The following TBC1D1 variants were observed in gnomAD, a reference collection of about 807,000 sequenced individuals.
TBC1D1 encodes TBC1 (tre-2/USP6, BUB2, cdc16) domain family, member 1.
Under a neutral mutation model 125.6 loss-of-function variants are expected in TBC1D1, and 89 were observed. The ratio of observed to expected loss-of-function variants is 0.71; its 90% CI spans 0.60 to 0.85. The LOEUF is 0.85. Among genes scored for constraint, TBC1D1 ranks in the 40% least tolerant of loss-of-function variants. TBC1D1 has a pLI of 0.00. For missense variants in TBC1D1, 1,377 were observed against 1,469.2 expected, an observed-to-expected ratio of 0.94 and a Z score of 1.03; for synonymous variants, 565 against 564.1, an observed-to-expected ratio of 1.00 and a Z score of -0.02.
chr4:38,000,206 T>A (rs1738733616), intron 2 of TBC1D1, among the ~76,000 whole-genome samples: 1 of 152,206 alleles, frequency 6.6e-6, no homozygotes, highest in Non-Finnish European at 1.5e-5. Context: ...AAGACATGAC[T>A]CGTGGTGGTG....
rs115415205 is a variant in TBC1D1 at position 38,017,559 on chromosome 4, A to G, written c.883-795A>G. 6.7e-3 allele frequency among the ~76,000 whole-genome samples: 1,028 copies of G among 152,312 alleles called. 15 individuals carry two copies. Among genetic ancestry groups the G allele is most frequent in the African/African-American group, 0.023 (973 of 41,562 alleles). On this transcript the variant is annotated intron_variant, in intron 3 of 19. Coordinates refer to ENST00000261439, the MANE Select transcript of TBC1D1 (RefSeq NM_015173.4). The stretch of plus-strand genomic sequence containing the variant: ...TATAATTCCCCTTGACTTACACCCC[A>G]GTTTCCAACAAGCTTGTGTATCTGA...
chr4:38,129,785 G>C (rs1385053615), intron 18 of TBC1D1, among the ~76,000 whole-genome samples: 1 of 152,168 alleles, frequency 6.6e-6, no homozygotes, highest in Non-Finnish European at 1.5e-5. Flanking sequence ...TTGGCTTCAT[G>C]TGTAATTTAA....
chr4:37,911,719 T>C (rs1718672955), intron 2 of TBC1D1, among the ~76,000 whole-genome samples: 1 of 152,160 alleles, frequency 6.6e-6, no homozygotes, highest in African/African-American at 2.4e-5. Flanking sequence ...GGTGCTGGGG[T>C]ACAAAGCCAA....
At chr4:37,973,926 G>C (rs146069741) in intron 2 of TBC1D1, among the ~76,000 whole-genome samples, 1 of 152,200 alleles carries the variant, frequency 6.6e-6, no homozygotes, top group African/African-American at 2.4e-5. Context: ...TTAGGGCAGG[G>C]CCTGAGATTC....
chr4:38,044,330 G>A (rs372586738), intron 8 of TBC1D1, 32 bp from the exon 9 acceptor site: 13 of 1,581,602 alleles, frequency 8.2e-6, no homozygotes, highest in African/African-American at 6.8e-5. Context: ...AGAAGGGAGC[G>A]ATAAATGACT....
rs1345020774 is a variant in TBC1D1 at position 38,021,700 on chromosome 4, C to T, written c.1192C>T (p.Leu398Phe). Residue 398 changes from leucine (L) to phenylalanine (F), a missense_variant, in exon 6 of 20, where the codon CTC (leucine) becomes TTC (phenylalanine). Transcript: ENST00000261439. ...CTGCCCCCTGCAAAGCCTGCACAAG[C>T]TCTGTGAGAGGATAGAGGGTGAGTA... 30 of 1,586,636 alleles carry T rather than the reference C, an allele frequency of 1.9e-5. No individual in the cohort carries two copies. Among genetic ancestry groups the T allele is most frequent in the Non-Finnish European group, 2.4e-5 (28 of 1,167,580 alleles).
chr4:38,121,615 G>A (rs992057491), intron 17 of TBC1D1, among the ~76,000 whole-genome samples: 2 of 152,168 alleles, frequency 1.3e-5, no homozygotes, highest in Non-Finnish European at 2.9e-5. Context: ...TGCGCTGGGC[G>A]GCTCCAACAG....
chr4:38,053,480 T>A (rs1483907365), intron 11 of TBC1D1, among the ~76,000 whole-genome samples: 1 of 152,216 alleles, frequency 6.6e-6, no homozygotes, highest in Non-Finnish European at 1.5e-5. Context: ...CTGAGACCAG[T>A]GTTTCTGGTT....
chr4:38,052,198 C>A, intron 11 of TBC1D1, 138 bp downstream of exon 12: 1 of 629,386 alleles, frequency 1.6e-6, no homozygotes, highest in Non-Finnish European at 2.5e-6. Flanking sequence ...TGTGTGTGCG[C>A]GCGCGTGTGT....
At chr4:37,933,432 TTACACACA>T (rs1224504753) in intron 2 of TBC1D1, among the ~76,000 whole-genome samples, 3 of 87,684 alleles carry the variant, frequency 3.4e-5, no homozygotes, top group African/African-American at 1.4e-4. Flanking sequence ...CACATATGTT[TTACACACA>T]CACACACACA....
intron 2 of TBC1D1, among the ~76,000 whole-genome samples, chr4:37,999,184 G>A (rs1452889281): frequency 6.6e-6 from 1 of 152,196 alleles, no homozygotes; most frequent in Non-Finnish European, 1.5e-5. Context: ...GGAGGCAGAC[G>A]TTAGTTACAG....
At chr4:38,019,501 T>TAAACAGA (rs1743544756) in intron 4 of TBC1D1, among the ~76,000 whole-genome samples, 1 of 152,218 alleles carries the variant, frequency 6.6e-6, no homozygotes, top group Admixed American at 6.5e-5. Context: ...CCTGATTTGC[T>TAAACAGA]GCTATTTCTG....
rs182689409 is a variant in TBC1D1 at position 38,042,258 on chromosome 4, T to C, written c.1414-2104T>C. ...TTTTTTGATTGTCTGGTTTACATTTTTTATTTTTATTTTTTGAGACAAGTC... is the reference window on the plus strand; with the variant it reads ...TTTTTTGATTGTCTGGTTTACATTTCTTATTTTTATTTTTTGAGACAAGTC... On this transcript the variant is annotated intron_variant, in intron 8 of 19. Transcript: ENST00000261439. 1.5e-3 allele frequency among the ~76,000 whole-genome samples: 234 copies of C among 152,190 alleles called. 2 individuals carry two copies. The highest frequency in any genetic ancestry group is 2.1e-3 in the Non-Finnish European group (145 of 68,010).
At chr4:38,041,981 C>T (rs888013076) in intron 8 of TBC1D1, among the ~76,000 whole-genome samples, 3 of 152,048 alleles carry the variant, frequency 2.0e-5, no homozygotes, top group Non-Finnish European at 2.9e-5. Flanking sequence ...CGAGAACAGC[C>T]TGGTCAACAT....
At position 38,014,884 on chromosome 4, in the gene TBC1D1, G is replaced by A. The variant is rs573146520; in HGVS notation, c.793G>A (p.Glu265Lys). Residue 265 changes from glutamate (E) to lysine (K), a missense_variant, in exon 3 of 20, where the codon GAG becomes AAG. Around this residue, in one of 3 missense-constraint regions of TBC1D1, gnomAD observed 822 missense variants for 824.6 expected, o/e 1.00. Transcript: ENST00000261439. The surrounding 1 kb of genome is among the most constrained non-coding windows in gnomAD (Gnocchi z 5.1). ...AAGCAGCGGCTTCTTCAGCTCCTTCGAGGAGAGCGACATTGAGAACCACCT... is the reference window on the plus strand; with the variant it reads ...AAGCAGCGGCTTCTTCAGCTCCTTCAAGGAGAGCGACATTGAGAACCACCT... 1.2e-6 allele frequency: 2 copies of A among 1,606,990 alleles called. No homozygotes were observed. Among genetic ancestry groups the A allele is most frequent in the South Asian group, 1.1e-5 (1 of 90,876 alleles).
chr4:37,982,772 G>A (rs1200574640), intron 2 of TBC1D1, among the ~76,000 whole-genome samples: 2 of 152,208 alleles, frequency 1.3e-5, no homozygotes, highest in African/African-American at 4.8e-5. Flanking sequence ...ATTTTAACCT[G>A]TATGTGTGTC....
chr4:37,947,222 C>T (rs4832970), intron 2 of TBC1D1, among the ~76,000 whole-genome samples: 11,795 of 152,156 alleles, frequency 0.078, 615 homozygotes, highest in Non-Finnish European at 0.1. Flanking sequence ...AGTAGTGCCA[C>T]TGCTGCTCAC....
chr4:37,971,466 A>G (rs1732007436), intron 2 of TBC1D1, among the ~76,000 whole-genome samples: 2 of 152,272 alleles, frequency 1.3e-5, no homozygotes, highest in South Asian at 2.1e-4. Flanking sequence ...AGATCTCATG[A>G]GACTCATTCA....
At position 37,900,120 on chromosome 4, in the gene TBC1D1, C is replaced by CA. The variant is rs1372395296; in HGVS notation, c.-93-1873dup. Among the ~76,000 whole-genome samples the CA allele has an allele frequency of 9.0e-3, 830 of 92,152 alleles. 6 individuals are homozygous for CA. Among genetic ancestry groups the CA allele is most frequent in the African/African-American group, 0.036 (722 of 19,916 alleles). 60.5% of individuals were successfully genotyped at this position (92,152 alleles called of 152,430 possible). ...TGGGCGACAGAGCGAGGAGCCGTCT[C>CA]AAAAAAAAAAGAAAAAAAAAAAAAA... On this transcript the variant is annotated intron_variant, in intron 1 of 19. Coordinates refer to ENST00000261439, the MANE Select transcript of TBC1D1 (RefSeq NM_015173.4).
Sources: gnomAD v4.1 joint callset for allele counts (sites outside exome capture counted in the v4.1 genomes callset) on GRCh38, gnomAD v4.1.1 for gene constraint, gnomAD v4.1.1 regional missense constraint, Gnocchi (gnomAD v3.1) non-coding constraint, MANE v1.5 for transcripts, NCBI Gene and HGNC (gene_info 2026-07-23, HGNC 2026-07-21) for gene names.